Variants in CTNNA2 observed in about 807,000 individuals in gnomAD.
CTNNA2 encodes the protein catenin alpha-2.
In CTNNA2, 42 loss-of-function variants were observed where a neutral mutation model predicts 101.0. The observed-to-expected ratio is 0.42, with a 90% CI of 0.32 to 0.54. CTNNA2 has a LOEUF of 0.54. CTNNA2 is among the 20% of genes least tolerant of loss of function. The pLI, the probability that CTNNA2 is intolerant of heterozygous loss-of-function variation, is 0.14. For missense variants in CTNNA2, 871 were observed against 1,223.1 expected (o/e 0.71, Z 4.29); for synonymous variants, 450 against 456.4 (o/e 0.99, Z 0.18).
At chr2:80,305,161 G>A (rs1453120541) in intron 7 of CTNNA2, 1 of 985,254 alleles carries the variant, frequency 1.0e-6, no homozygotes, top group African/African-American at 1.7e-5. Context: ...AATGATTTGG[G>A]GCTTGGCTAA....
At chr2:80,533,671 C>A (rs2149600356) in intron 9 of CTNNA2, among the ~76,000 whole-genome samples, 1 of 152,244 alleles carries the variant, frequency 6.6e-6, no homozygotes, top group South Asian at 2.1e-4. Flanking sequence ...ATGCAGCCCA[C>A]ATATATGAAG....
At chr2:80,077,111 G>T (rs2148793949) in intron 7 of CTNNA2, among the ~76,000 whole-genome samples, 1 of 152,226 alleles carries the variant, frequency 6.6e-6, no homozygotes. Context: ...GCTTGATAAT[G>T]CCAAGTACTG....
chr2:80,089,436 TC>T (rs1274510047), intron 7 of CTNNA2, among the ~76,000 whole-genome samples: 1 of 151,920 alleles, frequency 6.6e-6, no homozygotes, highest in Non-Finnish European at 1.5e-5. Flanking sequence ...CAACCTGCGC[TC>T]CCTTTTGCAT....
At chr2:80,035,409 G>T (rs762402441) in intron 7 of CTNNA2, among the ~76,000 whole-genome samples, 6 of 152,130 alleles carry the variant, frequency 3.9e-5, no homozygotes, top group Non-Finnish European at 8.8e-5. Context: ...ACTTAGCAAG[G>T]TATTTGGTTC....
Position 80,170,312 on chromosome 2 carries a change from G to A in CTNNA2, c.1057-222899G>A, listed in dbSNP as rs199729769. On this transcript the variant is annotated intron_variant, in intron 7 of 18. Coordinates refer to ENST00000402739, the MANE Select transcript of CTNNA2 (RefSeq NM_001282597.3). ...GTGACAACTAGCCTACTATCAGGAGGCCAAGCACTTTGAGTTTTTATGAGG... is the reference window on the plus strand; with the variant it reads ...GTGACAACTAGCCTACTATCAGGAGACCAAGCACTTTGAGTTTTTATGAGG... Among the ~76,000 whole-genome samples, 11 of 151,904 alleles carry A rather than the reference G, an allele frequency of 7.2e-5. No individual in the cohort carries two copies. In the East Asian group the frequency reaches 2.1e-3, roughly 30 times the overall value.
At chr2:79,254,355 A>G (rs1256818398) in intron 2 of CTNNA2, among the ~76,000 whole-genome samples, 1 of 152,158 alleles carries the variant, frequency 6.6e-6, no homozygotes, top group African/African-American at 2.4e-5. Context: ...AGATTGGGCC[A>G]TGGGTGTGGA....
chr2:79,400,811 C>A (rs1001755769), intron 4 of CTNNA2, among the ~76,000 whole-genome samples: 4 of 139,460 alleles, frequency 2.9e-5, no homozygotes, highest in Admixed American at 1.4e-4. Context: ...CAATGAACAC[C>A]GTGTAGAATA....
At chr2:80,469,361 C>T (rs1287574100) in intron 9 of CTNNA2, among the ~76,000 whole-genome samples, 11 of 152,130 alleles carry the variant, frequency 7.2e-5, no homozygotes. Context: ...GATGGAAAGC[C>T]GTGTTTCTGG....
chr2:79,216,909 C>G (rs1392579148), intron 2 of CTNNA2, among the ~76,000 whole-genome samples: 1 of 152,102 alleles, frequency 6.6e-6, no homozygotes, highest in Admixed American at 6.5e-5. Context: ...ACCTCTGAAA[C>G]GTGGGTAAAT....
At chr2:79,848,468 AT>A (rs1383003743) in intron 3 of CTNNA2, among the ~76,000 whole-genome samples, 2 of 152,142 alleles carry the variant, frequency 1.3e-5, no homozygotes, top group Non-Finnish European at 2.9e-5. Context: ...CAAGGTTCTC[AT>A]TTGTGAAGTA....
chr2:79,564,382 G>A lies in CTNNA2; in HGVS notation c.-6+51175G>A, dbSNP rs148385681. 1.4e-3 allele frequency among the ~76,000 whole-genome samples: 216 copies of A among 152,002 alleles called. 1 individual carries two copies. Among genetic ancestry groups the A allele is most frequent in the African/African-American group, 4.7e-3 (196 of 41,510 alleles). On this transcript the variant is annotated intron_variant, in intron 1 of 18. Transcript: ENST00000402739. The stretch of plus-strand genomic sequence containing the variant: ...ATTTAATATTCCATGATATAACTGC[G>A]TATTAGTGGAACGCTGTCTCTAAAA...
intron 7 of CTNNA2, among the ~76,000 whole-genome samples, chr2:79,911,122 C>T (rs1293792470): frequency 6.6e-6 from 1 of 152,178 alleles, no homozygotes; most frequent in Non-Finnish European, 1.5e-5. Flanking sequence ...AATTTTGATC[C>T]ATGGTATTAC....
intron 4 of CTNNA2, among the ~76,000 whole-genome samples, chr2:79,867,745 A>C (rs1682250091): frequency 6.6e-6 from 1 of 152,184 alleles, no homozygotes; most frequent in African/African-American, 2.4e-5. Flanking sequence ...TCTGATTAAC[A>C]GCCTATGAGA....
chr2:80,148,046 A>T (rs1389150022), intron 7 of CTNNA2, among the ~76,000 whole-genome samples: 1 of 152,208 alleles, frequency 6.6e-6, no homozygotes. Context: ...TTTTAGAGCC[A>T]AGGATTTGAA....
intron 3 of CTNNA2, among the ~76,000 whole-genome samples, chr2:79,792,612 A>G (rs1057089072): frequency 6.2e-5 from 9 of 145,974 alleles, no homozygotes; most frequent in African/African-American, 2.2e-4. Context: ...CTTTTTTGGG[A>G]AAAAAAAAAT....
intron 9 of CTNNA2, among the ~76,000 whole-genome samples, chr2:80,522,182 G>T (rs1689616588): frequency 1.3e-5 from 2 of 152,156 alleles, no homozygotes; most frequent in Admixed American, 6.5e-5. Flanking sequence ...CAGTTTTCAT[G>T]GAGCTCTACT....
chr2:80,119,981 A>C (rs1318371193), intron 7 of CTNNA2, among the ~76,000 whole-genome samples: 1 of 152,246 alleles, frequency 6.6e-6, no homozygotes, highest in Non-Finnish European at 1.5e-5. Context: ...GTTTTGACTG[A>C]AGTGCCCATT....
At chr2:80,097,132 A>C (rs927598864) in intron 7 of CTNNA2, among the ~76,000 whole-genome samples, 10 of 152,074 alleles carry the variant, frequency 6.6e-5, no homozygotes, top group Admixed American at 2.0e-4. Context: ...CATGTTTTTG[A>C]AGTGGCTGGT....
intron 3 of CTNNA2, among the ~76,000 whole-genome samples, chr2:79,326,740 A>G (rs1676756611): frequency 6.6e-6 from 1 of 152,204 alleles, no homozygotes; most frequent in African/African-American, 2.4e-5. Flanking sequence ...GATCTAGAAA[A>G]CTAGAGCTTC....
Sources: allele counts gnomAD v4.1 joint callset (sites outside exome capture counted in the v4.1 genomes callset), GRCh38; gene constraint gnomAD v4.1.1; transcripts MANE v1.5; gene names NCBI Gene and HGNC (gene_info 2026-07-23, HGNC 2026-07-21).